The following CNTN6 variants were observed in gnomAD, a reference collection of about 807,000 sequenced individuals.
CNTN6 encodes contactin-6.
CNTN6 carries 137 observed loss-of-function variants against 122.8 expected under a neutral mutation model. The observed-to-expected ratio is 1.12, with a 90% CI of 0.97 to 1.29. CNTN6 has a LOEUF of 1.29. CNTN6 is among the 50% of genes most tolerant of loss of function. CNTN6 has a pLI of 0.00. For missense variants in CNTN6, 1,634 were observed against 1,223.4 expected, an observed-to-expected ratio of 1.34 and a Z score of -5.01; for synonymous variants, 570 against 426.0, an observed-to-expected ratio of 1.34 and a Z score of -4.16.
intron 4 of CNTN6, among the ~76,000 whole-genome samples, chr3:1,238,236 G>A (rs2094444293): frequency 6.6e-6 from 1 of 152,062 alleles, no homozygotes; most frequent in South Asian, 2.1e-4. Context: ...ATAGTAAAGG[G>A]GTGGAAAAAG....
At chr3:1,343,631 C>A (rs960165037) in intron 11 of CNTN6, among the ~76,000 whole-genome samples, 2 of 152,084 alleles carry the variant, frequency 1.3e-5, no homozygotes, top group African/African-American at 2.4e-5. Context: ...TACCTGCTAA[C>A]TGTTGGGCTT....
intron 2 of CNTN6, among the ~76,000 whole-genome samples, chr3:1,150,557 CTT>C (rs2092818283): frequency 6.6e-6 from 1 of 152,064 alleles, no homozygotes; most frequent in African/African-American, 2.4e-5. Flanking sequence ...TTCTGGGACA[CTT>C]TTAAAGTTTT....
intron 4 of CNTN6, among the ~76,000 whole-genome samples, chr3:1,243,257 T>C (rs2094512851): frequency 6.6e-6 from 1 of 152,188 alleles, no homozygotes; most frequent in Admixed American, 6.5e-5. Flanking sequence ...GTGGCCAGAT[T>C]TCTGGCACTT....
At chr3:1,397,682 A>G (rs1695155283) in intron 20 of CNTN6, among the ~76,000 whole-genome samples, 1 of 152,166 alleles carries the variant, frequency 6.6e-6, no homozygotes, top group Admixed American at 6.6e-5. Flanking sequence ...TTCAGACGCA[A>G]TAACTAAAAG....
In CNTN6 at chr3:1,372,474, A is replaced by T; in HGVS notation, c.1668A>T (p.Gly556=). ...TGGCTCATTTTGAAAGGATTGGAGG[A>T]GTAAGTTACTGAAATTGTTAAGTGC... ...KGVAHFERIG[G]ESVGDLMIRN... Residue 556 remains glycine (G), a splice_region_variant and synonymous_variant, in exon 13 of 23, where the codon GGA becomes GGT. Transcript: ENST00000446702. 6.3e-7 allele frequency: 1 copy of T among 1,597,010 alleles called. No individual in the cohort carries two copies. The highest frequency in any genetic ancestry group is 1.8e-5 in the Admixed American group (1 of 55,614).
At chr3:1,270,047 G>A (rs899581702) in intron 4 of CNTN6, among the ~76,000 whole-genome samples, 7 of 152,088 alleles carry the variant, frequency 4.6e-5, no homozygotes, top group African/African-American at 1.2e-4. Context: ...CTTTTACAGC[G>A]TTTGACAATA....
At chr3:1,382,432 A>T (rs1692039468) in intron 17 of CNTN6, among the ~76,000 whole-genome samples, 1 of 152,218 alleles carries the variant, frequency 6.6e-6, no homozygotes, top group South Asian at 2.1e-4. Context: ...ATGCCTAAAA[A>T]AATGATGGGA....
intron 5 of CNTN6, among the ~76,000 whole-genome samples, chr3:1,293,262 T>A (rs1394776597): frequency 1.3e-5 from 2 of 152,140 alleles, no homozygotes; most frequent in Non-Finnish European, 1.5e-5. Flanking sequence ...TTCTCCTTTT[T>A]TCCTTTATTT....
At chr3:1,360,335 T>C (rs1707268058) in intron 12 of CNTN6, among the ~76,000 whole-genome samples, 1 of 152,086 alleles carries the variant, frequency 6.6e-6, no homozygotes, top group South Asian at 2.1e-4. Flanking sequence ...TAATGTGTCA[T>C]GTTTTAAATC....
chr3:1,273,050 T>C (rs1455540594), intron 4 of CNTN6, among the ~76,000 whole-genome samples: 1 of 152,182 alleles, frequency 6.6e-6, no homozygotes, highest in Non-Finnish European at 1.5e-5. Context: ...AACAGAGCCT[T>C]ATTCGTGACT....
chr3:1,311,354 T>C (rs1464026532), intron 7 of CNTN6, among the ~76,000 whole-genome samples: 2 of 134,320 alleles, frequency 1.5e-5, no homozygotes, highest in Admixed American at 7.6e-5. Context: ...AATGTCTTTA[T>C]ATGTACATAT....
intron 2 of CNTN6, among the ~76,000 whole-genome samples, chr3:1,182,952 G>C (rs547238707): frequency 6.6e-6 from 1 of 152,038 alleles, no homozygotes. Context: ...TGCATAAAAT[G>C]TATTGTCTCA....
chr3:1,093,148 T>A, intron 1 of CNTN6, 28 bp downstream of exon 1: 1 of 250,340 alleles, frequency 4.0e-6, no homozygotes, highest in South Asian at 4.5e-5. Context: ...AAAATTGTGC[T>A]GTGTCTGCTG....
At chr3:1,171,536 G>A (rs1242919763) in intron 2 of CNTN6, among the ~76,000 whole-genome samples, 1 of 151,444 alleles carries the variant, frequency 6.6e-6, no homozygotes, top group Admixed American at 6.6e-5. Flanking sequence ...CCAACCCCCG[G>A]TTGTGACAAC....
At chr3:1,268,564 G>GCACA (rs2094965988) in intron 4 of CNTN6, among the ~76,000 whole-genome samples, 4 of 134,584 alleles carry the variant, frequency 3.0e-5, no homozygotes, top group African/African-American at 8.8e-5. Flanking sequence ...CCGAGATTGA[G>GCACA]CCACTGCACT....
At chr3:1,310,339 A>G (rs1198071618) in intron 7 of CNTN6, among the ~76,000 whole-genome samples, 3 of 152,080 alleles carry the variant, frequency 2.0e-5, no homozygotes, top group East Asian at 3.9e-4. Flanking sequence ...TAGGTGTTGC[A>G]TTTTTCCAAA....
At chr3:1,307,751 T>C (rs137980215) in intron 7 of CNTN6, among the ~76,000 whole-genome samples, 155 of 152,238 alleles carry the variant, frequency 1.0e-3, no homozygotes, top group African/African-American at 3.0e-3. Flanking sequence ...CAGTTTATTG[T>C]AGGCTGCCCC....
intron 5 of CNTN6, among the ~76,000 whole-genome samples, chr3:1,284,230 C>T (rs1286368497): frequency 6.6e-6 from 1 of 152,168 alleles, no homozygotes; most frequent in Non-Finnish European, 1.5e-5. Context: ...AAGATGTTGA[C>T]AATTCCACTT....
At chr3:1,162,467 G>T (rs538018995) in intron 2 of CNTN6, among the ~76,000 whole-genome samples, 11 of 152,310 alleles carry the variant, frequency 7.2e-5, no homozygotes, top group Admixed American at 5.9e-4. Flanking sequence ...AGGGAGAAGT[G>T]TGTTCTAATA....
Sources: gnomAD v4.1 joint callset for allele counts (sites outside exome capture counted in the v4.1 genomes callset) on GRCh38, gnomAD v4.1.1 for gene constraint, MANE v1.5 for transcripts, NCBI Gene and HGNC (gene_info 2026-07-23, HGNC 2026-07-21) for gene names.